FREM1: variants seen among roughly 807,000 people sequenced by gnomAD.
The protein encoded by FREM1 is FRAS1-related extracellular matrix protein 1.
FREM1 carries 220 observed loss-of-function variants against 210.1 expected under a neutral mutation model. The observed-to-expected ratio is 1.05, with a 90% CI of 0.94 to 1.17. The LOEUF is 1.17. Among genes scored for constraint, FREM1 ranks in the 50% most tolerant of loss-of-function variants. FREM1 has a pLI of 0.00. For missense variants in FREM1, 3,454 were observed against 2,675.5 expected (o/e 1.29, Z -6.42); for synonymous variants, 1,189 against 980.2 (o/e 1.21, Z -3.98).
At chr9:14,818,487 G>A (rs928115750) in intron 14 of FREM1, among the ~76,000 whole-genome samples, 1 of 152,162 alleles carries the variant, frequency 6.6e-6, no homozygotes, top group African/African-American at 2.4e-5. Flanking sequence ...TATCTAAAGG[G>A]CTAATGCTCC....
chr9:14,859,276 T>C lies in FREM1; in HGVS notation c.538A>G (p.Thr180Ala). The C allele has an allele frequency of 1.2e-6, 2 of 1,612,452 alleles. No individual in the cohort carries two copies. Among genetic ancestry groups the C allele is most frequent in the Non-Finnish European group, 1.7e-6 (2 of 1,179,362 alleles). Reference sequence around the variant, plus strand: ...ATCTGGCCATGGGCTGGCAGCCGAGTTCTCGCAGTGTCCAGGCTGACGGTA... The same window carrying C: ...ATCTGGCCATGGGCTGGCAGCCGAGCTCTCGCAGTGTCCAGGCTGACGGTA... ...ECTVSLDTAR[T>A]RLPAHGQMVL... The change falls in exon 4 of 37, where the codon ACT (threonine) becomes GCT (alanine). Residue 180 changes from threonine to alanine, a missense_variant. By Grantham distance (58) the Thr-to-Ala change is moderately conservative. Transcript: ENST00000380880.
chr9:14,909,161 A>C (rs1818300879), intron 1 of FREM1, among the ~76,000 whole-genome samples: 1 of 152,204 alleles, frequency 6.6e-6, no homozygotes, highest in Non-Finnish European at 1.5e-5. Flanking sequence ...TTTGTAATGC[A>C]CACCAAGCAA....
At chr9:14,796,125 A>T (rs1852330014) in intron 21 of FREM1, among the ~76,000 whole-genome samples, 1 of 152,222 alleles carries the variant, frequency 6.6e-6, no homozygotes, top group African/African-American at 2.4e-5. Flanking sequence ...GCTTTTTAAG[A>T]ACCTTATCAG....
At chr9:14,766,743 A>T (rs1023095362) in intron 27 of FREM1, among the ~76,000 whole-genome samples, 1 of 152,186 alleles carries the variant, frequency 6.6e-6, no homozygotes. Context: ...GCTTTATCAC[A>T]GAGGTTTCAC....
At chr9:14,846,363 G>A (rs1366673258) in intron 7 of FREM1, among the ~76,000 whole-genome samples, 4 of 152,154 alleles carry the variant, frequency 2.6e-5, no homozygotes, top group Non-Finnish European at 5.9e-5. Flanking sequence ...CTGTTCGGGG[G>A]TAGAGGGGAA....
chr9:14,758,688 G>T (rs557754367), intron 28 of FREM1, among the ~76,000 whole-genome samples: 9 of 83,900 alleles, frequency 1.1e-4, no homozygotes, highest in African/African-American at 2.4e-4. Context: ...GGGATGGGGT[G>T]GGGGGGAGTC....
chr9:14,842,043 C>T (rs960610149), intron 9 of FREM1, among the ~76,000 whole-genome samples: 11 of 152,162 alleles, frequency 7.2e-5, no homozygotes, highest in East Asian at 1.9e-4. Flanking sequence ...TCACCTTGCT[C>T]GGCTGACTTA....
rs565969718 is a variant in FREM1, at chr9:14,836,534, G to T, written c.1881+4913C>A. On this transcript the variant is annotated intron_variant, in intron 10 of 36. Coordinates refer to ENST00000380880, the MANE Select transcript of FREM1 (RefSeq NM_001379081.2). This position sits in a 1 kb window ranked among gnomAD's most constrained non-coding sequence, Gnocchi z 4.9. ...AAAATGCCGGCTTCAGCCCTGGGCG[G>T]CTACAATCCCTCTTTAATAAATTCC... is the stretch of plus-strand genomic sequence containing the variant. 1.3e-5 allele frequency among the ~76,000 whole-genome samples: 2 copies of T among 152,278 alleles called. No individual in the cohort carries two copies. The highest frequency in any genetic ancestry group is 2.1e-4 in the South Asian group (1 of 4,826).
intron 1 of FREM1, among the ~76,000 whole-genome samples, chr9:14,873,889 A>G (rs1203394552): frequency 2.6e-5 from 4 of 152,152 alleles, no homozygotes; most frequent in African/African-American, 7.2e-5. Flanking sequence ...GTTGGTTTCA[A>G]AGAACATCTT....
At chr9:14,797,207 A>G (rs1286388663) in intron 21 of FREM1, among the ~76,000 whole-genome samples, 2 of 152,240 alleles carry the variant, frequency 1.3e-5, no homozygotes, top group African/African-American at 4.8e-5. Context: ...ATGTATTTAT[A>G]TGTTTAGTAG....
chr9:14,866,163 G>A (rs1831477212), intron 2 of FREM1, among the ~76,000 whole-genome samples: 1 of 152,132 alleles, frequency 6.6e-6, no homozygotes, highest in Non-Finnish European at 1.5e-5. Context: ...CAGCAACCAA[G>A]GCAATTTGTG....
At chr9:14,835,178 A>G (rs1824322066) in intron 10 of FREM1, among the ~76,000 whole-genome samples, 1 of 152,240 alleles carries the variant, frequency 6.6e-6, no homozygotes, top group Non-Finnish European at 1.5e-5. Context: ...TTCGCTTGGA[A>G]TATTGCTGAT....
Position 14,769,750 on chromosome 9 carries a change from G to A in FREM1, c.5178C>T (p.Pro1726=), listed in dbSNP as rs376461708. 1.1e-5 allele frequency: 18 copies of A among 1,612,314 alleles called. No homozygotes were observed. The highest frequency in any genetic ancestry group is 1.5e-5 in the Non-Finnish European group (18 of 1,178,932). Residue 1726 remains proline, a synonymous_variant, in exon 27 of 37, where the codon CCC becomes CCT. Transcript: ENST00000380880. The part of the protein sequence containing the change: ...SDTVEFQIMD[P]TGNSATPQIL... Reference sequence around the variant, plus strand: ...TTTGAGGAGTGGCCGAGTTCCCTGTGGGGTCCATGATTTGAAATTCCACGG... The same window carrying A: ...TTTGAGGAGTGGCCGAGTTCCCTGTAGGGTCCATGATTTGAAATTCCACGG...
rs775399423 is a variant in FREM1, at chr9:14,789,027, C to T, written c.4069G>A (p.Gly1357Arg). ...TCTTGATTCTGGGAATCCATTGCCC[C>T]GGTGTGTGTGTATCTCAGCAAGTTC... Reference protein sequence around the residue: ...DLNLLRYTHTGAMDSQNQDSF... With the variant: ...DLNLLRYTHTRAMDSQNQDSF... The change falls in exon 23 of 37, where the codon GGG (glycine) becomes AGG (arginine). Residue 1357 changes from glycine (G) to arginine (R), a missense_variant. Gly to Arg is a moderately radical substitution (Grantham distance 125). Transcript: ENST00000380880. 5.2e-5 allele frequency: 84 copies of T among 1,611,270 alleles called. No homozygotes were observed. Among genetic ancestry groups the T allele is most frequent in the Middle Eastern group, 3.3e-4 (2 of 6,080 alleles).
At chr9:14,870,491 T>G (rs1226655225) in intron 1 of FREM1, among the ~76,000 whole-genome samples, 2 of 152,154 alleles carry the variant, frequency 1.3e-5, no homozygotes, top group Non-Finnish European at 2.9e-5. Context: ...TTGTCTTTGT[T>G]TTTTTTCTTA....
At chr9:14,860,984 C>T (rs868308989) in intron 3 of FREM1, among the ~76,000 whole-genome samples, 3 of 117,662 alleles carry the variant, frequency 2.5e-5, no homozygotes, top group East Asian at 2.2e-4. Context: ...CATATATACA[C>T]ATATATACAT....
intron 10 of FREM1, among the ~76,000 whole-genome samples, chr9:14,825,414 G>T (rs1822155836): frequency 6.7e-6 from 1 of 149,884 alleles, no homozygotes; most frequent in African/African-American, 2.5e-5. Context: ...CTTGAATCCT[G>T]GAGGAGGAGG....
At chr9:14,831,980 C>T (rs1222836583) in intron 10 of FREM1, among the ~76,000 whole-genome samples, 4 of 152,238 alleles carry the variant, frequency 2.6e-5, no homozygotes, top group African/African-American at 4.8e-5. Flanking sequence ...GATCACATAC[C>T]GAAAGGAAGG....
intron 1 of FREM1, among the ~76,000 whole-genome samples, chr9:14,901,053 C>T (rs1458811675): frequency 2.0e-5 from 3 of 152,132 alleles, no homozygotes; most frequent in Non-Finnish European, 2.9e-5. Context: ...TTGTTCCTTG[C>T]TGCGACTCTT....
Sources: gnomAD v4.1 joint callset for allele counts (sites outside exome capture counted in the v4.1 genomes callset) on GRCh38, gnomAD v4.1.1 for gene constraint, Gnocchi (gnomAD v3.1) non-coding constraint, MANE v1.5 for transcripts, NCBI Gene and HGNC (gene_info 2026-07-23, HGNC 2026-07-21) for gene names.